IRF4: variants seen among roughly 807,000 people sequenced by gnomAD.
IRF4 encodes lymphocyte-specific interferon regulatory factor.
IRF4 carries 13 observed loss-of-function variants against 55.5 expected under a neutral mutation model. The ratio of observed to expected loss-of-function variants is 0.23; its 90% CI spans 0.15 to 0.37. IRF4 has a LOEUF of 0.37. IRF4 is among the 10% of genes least tolerant of loss of function. The pLI, the probability that IRF4 is intolerant of heterozygous loss-of-function variation, is 1.00. For missense variants in IRF4, 397 were observed against 593.8 expected (o/e 0.67, Z 3.44); for synonymous variants, 249 against 240.7 (o/e 1.03, Z -0.32).
At position 393,003 on chromosome 6, in the gene IRF4, G is replaced by A; in HGVS notation, c.-55-95G>A. 1.4e-6 allele frequency: 1 copy of A among 700,326 alleles called. No homozygotes were observed. The highest frequency in any genetic ancestry group is 3.0e-5 in the East Asian group (1 of 32,812). 43.4% of individuals were successfully genotyped at this position (700,326 alleles called of 1,614,324 possible). A position where few individuals can be genotyped will look rare whatever the true frequency, so the allele number is the denominator to read the frequency against. ...CACGCGCGCGCTTCGCAGCCTCAAA[G>A]ACTCCGGGGCCTCGTGGTCACTGGC... is the stretch of plus-strand genomic sequence containing the variant. On this transcript the variant is annotated intron_variant, in intron 1 of 8. Transcript: ENST00000380956. This position sits in a 1 kb window ranked among gnomAD's most constrained non-coding sequence, Gnocchi z 5.4.
chr6:406,886 G>T (rs1031619723), intron 8 of IRF4: 2 of 1,078,588 alleles, frequency 1.9e-6, no homozygotes, highest in South Asian at 4.8e-5. Context: ...ACATTAAGGC[G>T]TTTTTGTTTT....
Position 393,464 on chromosome 6 carries a change from C to A in IRF4, c.216+96C>A. 1.1e-6 allele frequency: 1 copy of A among 883,206 alleles called. No individual in the cohort carries two copies. The highest frequency in any genetic ancestry group is 1.5e-6 in the Non-Finnish European group (1 of 654,964). The allele number at this position is 883,206 out of a possible 1,614,324, so 54.7% of individuals were successfully genotyped here. ...CCGCCTCCGAGGCGAGCCCAGGGGACCGCGCGGGGCGGACGGGCGGGCGGC... is the reference window on the plus strand; with the variant it reads ...CCGCCTCCGAGGCGAGCCCAGGGGAACGCGCGGGGCGGACGGGCGGGCGGC... On this transcript the variant is annotated intron_variant, in intron 2 of 8. Transcript: ENST00000380956. This position sits in a 1 kb window ranked among gnomAD's most constrained non-coding sequence, Gnocchi z 5.4.
chr6:408,910 G>C lies in IRF4; in HGVS notation c.*1312G>C, dbSNP rs191084757. On this transcript the variant is annotated 3_prime_UTR_variant, in exon 9 of 9. Coordinates refer to ENST00000380956, the MANE Select transcript of IRF4 (RefSeq NM_002460.4). ...TTTGACAGGGCCTTAAAATTACTTG[G>C]CTTTTTCCAAATGCTTCTATTTATA... is the stretch of plus-strand genomic sequence containing the variant. 8.7e-6 allele frequency: 2 copies of C among 230,146 alleles called. No homozygotes were observed. Among genetic ancestry groups the C allele is most frequent in the African/African-American group, 4.4e-5 (2 of 45,134 alleles). The allele number at this position is 230,146 out of a possible 1,614,324, so 14.3% of individuals were successfully genotyped here.
Position 394,829 on chromosome 6 carries a change from A to G in IRF4, c.225A>G (p.Ala75=). ...EEDAALFKAW[A]LFKGKFREGI... is the part of the protein sequence containing the mutation. ...TCATTCTTTCCCACCAGGCTTGGGC[A>G]CTGTTTAAAGGAAAGTTCCGAGAAG... The change falls in exon 3 of 9, where the codon GCA becomes GCG. Residue 75 remains alanine (A), a synonymous_variant. Transcript: ENST00000380956. 3.7e-6 allele frequency: 6 copies of G among 1,613,090 alleles called. No homozygotes were observed. The South Asian group carries it at 6.6e-5, about 18-fold the overall frequency.
intron 7 of IRF4, among the ~76,000 whole-genome samples, chr6:403,275 C>T (rs962316408): frequency 2.6e-5 from 4 of 152,262 alleles, no homozygotes; most frequent in African/African-American, 7.2e-5. Flanking sequence ...CCCCCCCTCC[C>T]CTGTCAGCAT....
intron 7 of IRF4, among the ~76,000 whole-genome samples, chr6:402,028 G>A (rs1174934780): frequency 1.3e-5 from 2 of 152,182 alleles, no homozygotes; most frequent in Non-Finnish European, 2.9e-5. Flanking sequence ...TTCAGCAGTC[G>A]CCTCTTAAAA....
chr6:394,323 A>G (rs958491107), intron 2 of IRF4, among the ~76,000 whole-genome samples: 3 of 152,210 alleles, frequency 2.0e-5, no homozygotes, highest in South Asian at 2.1e-4. Context: ...TGTGTCTTCA[A>G]CTTGGCAGTG....
chr6:393,422 G>GCCCGGGGTC lies in IRF4; in HGVS notation c.216+60_216+68dup. 2.9e-6 allele frequency: 3 copies of GCCCGGGGTC among 1,017,556 alleles called. No individual in the cohort carries two copies. Among genetic ancestry groups the GCCCGGGGTC allele is most frequent in the Non-Finnish European group, 4.0e-6 (3 of 747,728 alleles). The allele number at this position is 1,017,556 out of a possible 1,614,324, so 63.0% of individuals were successfully genotyped here. On this transcript the variant is annotated intron_variant, in intron 2 of 8. Coordinates refer to ENST00000380956, the MANE Select transcript of IRF4 (RefSeq NM_002460.4). The surrounding 1 kb of genome is among the most constrained non-coding windows in gnomAD (Gnocchi z 5.4). ...GCGCCGGGGAGGGCCCAGAGACAGAGCCCGGGGTCCCCGGCGCCGCCTCCG... is the reference window on the plus strand; with the variant it reads ...GCGCCGGGGAGGGCCCAGAGACAGAGCCCGGGGTCCCCGGGGTCCCCGGCGCCGCCTCCG...
Position 408,150 on chromosome 6 carries a change from A to C in IRF4, c.*552A>C. On this transcript the variant is annotated 3_prime_UTR_variant, in exon 9 of 9. Transcript: ENST00000380956. ...AACTTGCCTTTCAGTATTGACACTGACTAGAGTGATGACTGCTTGTAGGTA... is the reference window on the plus strand; with the variant it reads ...AACTTGCCTTTCAGTATTGACACTGCCTAGAGTGATGACTGCTTGTAGGTA... The C allele has an allele frequency of 4.2e-6, 1 of 237,062 alleles. No individual in the cohort carries two copies. Among genetic ancestry groups the C allele is most frequent in the East Asian group, 6.0e-5 (1 of 16,676 alleles). 14.7% of individuals were successfully genotyped at this position (237,062 alleles called of 1,614,324 possible).
chr6:394,311 A>C (rs1000092865), intron 2 of IRF4, among the ~76,000 whole-genome samples: 22 of 152,130 alleles, frequency 1.4e-4, no homozygotes, highest in Non-Finnish European at 4.4e-5. Flanking sequence ...ATACCCAGAA[A>C]ATGTGTCTTC....
chr6:401,453 C>A lies in IRF4; in HGVS notation c.775C>A (p.Arg259=). 1.9e-6 allele frequency: 3 copies of A among 1,613,580 alleles called. No homozygotes were observed. Among genetic ancestry groups the A allele is most frequent in the African/African-American group, 1.3e-5 (1 of 75,052 alleles). The part of the protein sequence containing the change: ...DCRLHICLYY[R]EILVKELTTS... ...CCGGCTGCACATCTGCCTGTACTAC[C>A]GGGAAATCCTCGTGAAGGAGCTGAC... Residue 259 remains arginine (R), a synonymous_variant, in exon 7 of 9, where the codon CGG becomes AGG. Coordinates refer to ENST00000380956, the MANE Select transcript of IRF4 (RefSeq NM_002460.4).
intron 1 of IRF4, among the ~76,000 whole-genome samples, chr6:392,107 C>A (rs1444761226): frequency 6.6e-6 from 1 of 152,214 alleles, no homozygotes; most frequent in Non-Finnish European, 1.5e-5. Context: ...ACTGTCGGGG[C>A]CCCAGGAGTG....
chr6:398,543 G>A (rs1367639260), intron 5 of IRF4, among the ~76,000 whole-genome samples: 2 of 152,262 alleles, frequency 1.3e-5, no homozygotes, highest in African/African-American at 4.8e-5. Context: ...ATCTGTCTCT[G>A]AGCCTCAGTC....
At chr6:398,168 C>T (rs1471624038) in intron 5 of IRF4, among the ~76,000 whole-genome samples, 1 of 152,166 alleles carries the variant, frequency 6.6e-6, no homozygotes, top group South Asian at 2.1e-4. Flanking sequence ...AAACTAGCTC[C>T]TGAAATTCAG....
At chr6:402,110 G>A (rs1306983974) in intron 7 of IRF4, among the ~76,000 whole-genome samples, 1 of 152,158 alleles carries the variant, frequency 6.6e-6, no homozygotes, top group African/African-American at 2.4e-5. Context: ...CAGGTTCCCA[G>A]AAAAATCATA....
In IRF4 at chr6:407,629, CTTTTT is replaced by C. The variant is rs566047868; in HGVS notation, c.*46_*50del. 1,724 of 1,276,174 alleles carry C rather than the reference CTTTTT, an allele frequency of 1.4e-3. No individual in the cohort carries two copies. Among genetic ancestry groups the C allele is most frequent in the Admixed American group, 1.8e-3 (70 of 37,854 alleles). The allele number at this position is 1,276,174 out of a possible 1,614,324, so 79.1% of individuals were successfully genotyped here. On this transcript the variant is annotated 3_prime_UTR_variant, in exon 9 of 9. Transcript: ENST00000380956. ...GTCAAGATGAGTGGTTTTCTTTTTC[CTTTTT>C]TTTTTTTTTTTTTTGATACGGGGAT... is the stretch of plus-strand genomic sequence containing the variant.
Position 407,725 on chromosome 6 carries a change from G to T in IRF4, c.*127G>T, listed in dbSNP as rs569588406. The T allele has an allele frequency of 8.1e-6, 7 of 861,108 alleles. No homozygotes were observed. Among genetic ancestry groups the T allele is most frequent in the Non-Finnish European group, 1.2e-5 (7 of 573,820 alleles). The allele number at this position is 861,108 out of a possible 1,614,324, so 53.3% of individuals were successfully genotyped here. ...ACAATCTCAGCTCACTGTGACCTCCGCCTCCTGGGTTCAAGAGACTCTCCT... is the reference window on the plus strand; with the variant it reads ...ACAATCTCAGCTCACTGTGACCTCCTCCTCCTGGGTTCAAGAGACTCTCCT... On this transcript the variant is annotated 3_prime_UTR_variant, in exon 9 of 9. Coordinates refer to ENST00000380956, the MANE Select transcript of IRF4 (RefSeq NM_002460.4).
intron 7 of IRF4, among the ~76,000 whole-genome samples, chr6:404,104 G>A (rs1415068715): frequency 1.3e-5 from 2 of 152,246 alleles, no homozygotes; most frequent in Non-Finnish European, 2.9e-5. Context: ...GCCCGAGGGT[G>A]TGTATCTGAT....
chr6:392,256 C>A (rs1398841079), intron 1 of IRF4, among the ~76,000 whole-genome samples: 1 of 152,254 alleles, frequency 6.6e-6, no homozygotes, highest in African/African-American at 2.4e-5. Flanking sequence ...CGGCGGCCTC[C>A]GGCGCGGTGC....
Sources: allele counts gnomAD v4.1 joint callset (sites outside exome capture counted in the v4.1 genomes callset), GRCh38; gene constraint gnomAD v4.1.1; non-coding constraint Gnocchi (gnomAD v3.1); transcripts MANE v1.5; gene names NCBI Gene and HGNC (gene_info 2026-07-23, HGNC 2026-07-21).